Variants in ADAM19 observed in about 807,000 individuals in gnomAD.
ADAM19 encodes ADAM metallopeptidase domain 19.
In ADAM19, 65 loss-of-function variants were observed where a neutral mutation model predicts 114.7. The observed-to-expected ratio is 0.57, with a 90% CI of 0.46 to 0.70. The LOEUF (loss-of-function observed/expected upper bound fraction) is 0.70. ADAM19 is among the 30% of genes least tolerant of loss of function. The pLI, the probability that ADAM19 is intolerant of heterozygous loss-of-function variation, is 0.00. For synonymous variants in ADAM19, 466 were observed against 460.5 expected, an observed-to-expected ratio of 1.01 and a Z score of -0.15; for missense variants, 1,063 against 1,204.7, an observed-to-expected ratio of 0.88 and a Z score of 1.74.
At chr5:157,508,895 G>A (rs1416987092) in intron 9 of ADAM19, among the ~76,000 whole-genome samples, 1 of 152,184 alleles carries the variant, frequency 6.6e-6, no homozygotes, top group Non-Finnish European at 1.5e-5. Context: ...ACAACACAAG[G>A]AGCCCGCTCT....
intron 18 of ADAM19, 62 bp downstream of exon 18, chr5:157,491,553 C>A: frequency 1.7e-6 from 2 of 1,201,592 alleles, no homozygotes; most frequent in South Asian, 3.3e-5. Flanking sequence ...AACATGCCAC[C>A]TGCCCCTGAT....
At chr5:157,512,137 G>A (rs1166523703) in intron 8 of ADAM19, among the ~76,000 whole-genome samples, 2 of 152,202 alleles carry the variant, frequency 1.3e-5, no homozygotes, top group African/African-American at 4.8e-5. Flanking sequence ...AGTGAGTCAG[G>A]AGCTAGAGGG....
chr5:157,543,741 A>T (rs1756978222), intron 3 of ADAM19, among the ~76,000 whole-genome samples: 1 of 151,984 alleles, frequency 6.6e-6, no homozygotes, highest in South Asian at 2.1e-4. Context: ...GCTAGGTGAT[A>T]CGGTGCAAGT....
chr5:157,490,525 T>C (rs1330818178), intron 18 of ADAM19, 71 bp from the exon 19 acceptor site: 1 of 1,530,352 alleles, frequency 6.5e-7, no homozygotes, highest in African/African-American at 1.4e-5. Context: ...AAATAGGTAT[T>C]CGTGCTTCTT....
At chr5:157,542,078 G>C (rs1184159960) in intron 3 of ADAM19, among the ~76,000 whole-genome samples, 1 of 152,046 alleles carries the variant, frequency 6.6e-6, no homozygotes, top group Non-Finnish European at 1.5e-5. Context: ...GATGCCTTGG[G>C]AGGTCCACTT....
At chr5:157,500,901 G>A (rs1201969900) in intron 12 of ADAM19, among the ~76,000 whole-genome samples, 1 of 152,186 alleles carries the variant, frequency 6.6e-6, no homozygotes, top group African/African-American at 2.4e-5. Flanking sequence ...ACAGCCTTAT[G>A]AGGCAGCCTT....
At chr5:157,482,235 C>T (rs1280867418) in intron 21 of ADAM19, among the ~76,000 whole-genome samples, 1 of 152,214 alleles carries the variant, frequency 6.6e-6, no homozygotes, top group African/African-American at 2.4e-5. Flanking sequence ...CTTTCACCCA[C>T]TTTTTGATAG....
At position 157,479,820 on chromosome 5, in the gene ADAM19, T is replaced by C. The variant is rs1754691662; in HGVS notation, c.*1129A>G. ...GGGCAACGGTCCAGCCCGAAGTCAA[T>C]GACCAGCCTGCTCCCTCGTGTGTAC... On this transcript the variant is annotated 3_prime_UTR_variant, in exon 23 of 23. Coordinates refer to ENST00000257527, the MANE Select transcript of ADAM19 (RefSeq NM_033274.5). The C allele has an allele frequency of 1.0e-6, 1 of 985,430 alleles. No individual in the cohort carries two copies. The highest frequency in any genetic ancestry group is 1.7e-5 in the African/African-American group (1 of 57,220). The allele number at this position is 985,430 out of a possible 1,614,324, so 61.0% of individuals were successfully genotyped here.
At chr5:157,545,453 G>C (rs1360074317) in intron 3 of ADAM19, among the ~76,000 whole-genome samples, 7 of 152,148 alleles carry the variant, frequency 4.6e-5, no homozygotes, top group Non-Finnish European at 1.0e-4. Context: ...TACATGAAGG[G>C]ACCGTCTATT....
intron 1 of ADAM19, 95 bp downstream of exon 1, chr5:157,575,508 G>C: frequency 1.1e-6 from 1 of 925,314 alleles, no homozygotes; most frequent in Non-Finnish European, 1.5e-6. Context: ...GTTGCGGGAG[G>C]CGCAGGGGTC....
At chr5:157,498,736 G>A (rs762324113) in intron 13 of ADAM19, among the ~76,000 whole-genome samples, 10 of 147,694 alleles carry the variant, frequency 6.8e-5, no homozygotes, top group South Asian at 2.2e-4. Flanking sequence ...ACATATGTCC[G>A]CATATATAAC....
chr5:157,556,774 A>G (rs1194535020), intron 3 of ADAM19, among the ~76,000 whole-genome samples: 2 of 152,244 alleles, frequency 1.3e-5, no homozygotes, highest in African/African-American at 4.8e-5. Context: ...TATAAAATGC[A>G]GACAACAATA....
chr5:157,535,490 C>A (rs1278426907), intron 4 of ADAM19, among the ~76,000 whole-genome samples: 3 of 152,220 alleles, frequency 2.0e-5, no homozygotes, highest in Non-Finnish European at 1.5e-5. Flanking sequence ...GACTGAGAAC[C>A]CCATGGGCCT....
chr5:157,560,786 C>A (rs1757489470), intron 3 of ADAM19, among the ~76,000 whole-genome samples: 1 of 152,216 alleles, frequency 6.6e-6, no homozygotes. Flanking sequence ...GGGAGGGAAA[C>A]TTTCATTCTT....
At chr5:157,504,843 A>AGCTGG (rs112325689) in intron 11 of ADAM19, among the ~76,000 whole-genome samples, 3 of 151,210 alleles carry the variant, frequency 2.0e-5, no homozygotes, top group South Asian at 2.1e-4. Context: ...CCTCATGTCC[A>AGCTGG]GCGCGGTGGC....
Position 157,488,449 on chromosome 5 carries a change from G to T in ADAM19, c.2366C>A (p.Pro789His), listed in dbSNP as rs1337390194. The change falls in exon 21 of 23, where the codon CCT becomes CAT. Residue 789 changes from proline (P) to histidine (H), a missense_variant. Transcript: ENST00000257527. ...TPEILRKPSQ[P>H]PPRPPPDYLR... ...ATAATCTGGAGGGGGCCGGGGAGGAGGCTGGGAGGGCTTCCGCAGGATTTC... is the reference window on the plus strand; with the variant it reads ...ATAATCTGGAGGGGGCCGGGGAGGATGCTGGGAGGGCTTCCGCAGGATTTC... 1 of 1,609,100 alleles carries T rather than the reference G, an allele frequency of 6.2e-7. No individual in the cohort carries two copies. The highest frequency in any genetic ancestry group is 1.7e-5 in the Admixed American group (1 of 59,444).
At chr5:157,518,692 G>T in intron 7 of ADAM19, 131 bp downstream of exon 7, 2 of 875,516 alleles carry the variant, frequency 2.3e-6, no homozygotes, top group Non-Finnish European at 3.8e-6. Context: ...CCTTTGGTGA[G>T]ATTTAAGGTC....
chr5:157,522,646 C>T (rs1756333966), intron 5 of ADAM19, among the ~76,000 whole-genome samples: 2 of 152,148 alleles, frequency 1.3e-5, no homozygotes, highest in Admixed American at 6.5e-5. Context: ...ATTAGCCAGG[C>T]GTACTGGCGG....
chr5:157,479,142 C>T lies in ADAM19; in HGVS notation c.*1807G>A. On this transcript the variant is annotated 3_prime_UTR_variant, in exon 23 of 23. Coordinates refer to ENST00000257527, the MANE Select transcript of ADAM19 (RefSeq NM_033274.5). Reference sequence around the variant, plus strand: ...GACCCACAGCAAGGATGACCCACGGCAAGGACATGGGGAACCTGTATCACA... The same window carrying T: ...GACCCACAGCAAGGATGACCCACGGTAAGGACATGGGGAACCTGTATCACA... The T allele has an allele frequency of 1.0e-6, 1 of 985,928 alleles. No homozygotes were observed. Among genetic ancestry groups the T allele is most frequent in the Non-Finnish European group, 1.2e-6 (1 of 829,990 alleles). 61.1% of individuals were successfully genotyped at this position (985,928 alleles called of 1,614,324 possible).
Sources: gnomAD v4.1 joint callset for allele counts (sites outside exome capture counted in the v4.1 genomes callset) on GRCh38, gnomAD v4.1.1 for gene constraint, MANE v1.5 for transcripts, NCBI Gene and HGNC (gene_info 2026-07-23, HGNC 2026-07-21) for gene names.